The following ST7 variants were observed in gnomAD, a reference collection of about 807,000 sequenced individuals.
The protein encoded by ST7 is suppression of tumorigenicity 7.
A neutral mutation model predicts 78.7 loss-of-function variants in ST7; 28 were observed. The ratio of observed to expected loss-of-function variants is 0.36; its 90% confidence interval spans 0.26 to 0.49. ST7 has a LOEUF of 0.49. ST7 is among the 20% of genes least tolerant of loss of function. ST7 has a pLI of 0.99. For synonymous variants in ST7, 247 were observed against 249.6 expected, an observed-to-expected ratio of 0.99 and a Z score of 0.10; for missense variants, 418 against 696.0, an observed-to-expected ratio of 0.60 and a Z score of 4.49.
intron 10 of ST7, among the ~76,000 whole-genome samples, chr7:117,182,416 T>C (rs1000175120): frequency 3.3e-5 from 5 of 152,220 alleles, no homozygotes; most frequent in African/African-American, 1.2e-4. Context: ...AAATGACTAA[T>C]AAGCTGGAAT....
At chr7:117,073,108 A>G (rs1168670838) in intron 1 of ST7, 1 of 152,190 alleles carries the variant, frequency 6.6e-6, no homozygotes, top group Non-Finnish European at 1.5e-5. Context: ...AAGGAGACTG[A>G]CAGGGGGTAT....
At chr7:117,029,978 C>A (rs1796392430) in intron 1 of ST7, among the ~76,000 whole-genome samples, 1 of 151,978 alleles carries the variant, frequency 6.6e-6, no homozygotes, top group South Asian at 2.1e-4. Flanking sequence ...CAAGTCTGTT[C>A]TTTTTCAAAA....
At chr7:117,014,759 A>G (rs918731875) in intron 1 of ST7, 6 of 331,816 alleles carry the variant, frequency 1.8e-5, no homozygotes, top group African/African-American at 6.4e-5. Flanking sequence ...ACAGGAGGGA[A>G]ATGGGAGTAA....
chr7:116,961,515 G>A (rs559982987), intron 1 of ST7, among the ~76,000 whole-genome samples: 84 of 150,950 alleles, frequency 5.6e-4, no homozygotes, highest in African/African-American at 1.5e-3. Flanking sequence ...ATAGTTCTTC[G>A]TGTAGTGATC....
At chr7:117,088,710 C>G (rs895063780) in intron 1 of ST7, among the ~76,000 whole-genome samples, 2 of 152,138 alleles carry the variant, frequency 1.3e-5, no homozygotes, top group African/African-American at 4.8e-5. Context: ...TGAACAAATT[C>G]CCCTTAAGAT....
In ST7 at chr7:117,229,965, C is replaced by A; in HGVS notation, c.*108C>A. On this transcript the variant is annotated 3_prime_UTR_variant, in exon 16 of 16. Coordinates refer to ENST00000323984, the MANE Select transcript of ST7 (RefSeq NM_001369598.1). Reference sequence around the variant, plus strand: ...TGACTTTGAAAAAGGGAAGCCATTCCGAGATTTTAAAATGTTCATGGACTA... The same window carrying A: ...TGACTTTGAAAAAGGGAAGCCATTCAGAGATTTTAAAATGTTCATGGACTA... The A allele has an allele frequency of 9.8e-7, 1 of 1,022,770 alleles. No individual in the cohort carries two copies. The highest frequency in any genetic ancestry group is 1.6e-6 in the Non-Finnish European group (1 of 640,774). The allele number at this position is 1,022,770 out of a possible 1,614,324, so 63.4% of individuals were successfully genotyped here.
intron 1 of ST7, among the ~76,000 whole-genome samples, chr7:116,982,386 G>A (rs961684981): frequency 5.9e-5 from 9 of 151,880 alleles, no homozygotes; most frequent in East Asian, 1.9e-4. Flanking sequence ...CATCACGCCC[G>A]GCTAATTTTG....
At chr7:117,055,932 G>A (rs1357952997) in intron 1 of ST7, among the ~76,000 whole-genome samples, 3 of 152,158 alleles carry the variant, frequency 2.0e-5, no homozygotes, top group Non-Finnish European at 4.4e-5. Flanking sequence ...AGCAAGAACA[G>A]CCAGTCTGAG....
At chr7:117,221,479 A>G (rs999623346) in intron 14 of ST7, among the ~76,000 whole-genome samples, 5 of 152,216 alleles carry the variant, frequency 3.3e-5, no homozygotes, top group African/African-American at 1.2e-4. Flanking sequence ...TTTTTTAAAT[A>G]CAGGAAGGAA....
intron 3 of ST7, among the ~76,000 whole-genome samples, chr7:117,122,875 T>G (rs1215074253): frequency 6.6e-6 from 1 of 152,208 alleles, no homozygotes. Context: ...TTAGGTACAT[T>G]GTCTGAATTT....
chr7:117,001,341 T>C (rs551955318), intron 1 of ST7, among the ~76,000 whole-genome samples: 1,718 of 152,066 alleles, frequency 0.011, 28 homozygotes, highest in African/African-American at 0.038. Flanking sequence ...GAAAAAAACA[T>C]AGAAAAGAAA....
At chr7:117,134,607 C>T (rs1804632731) in intron 7 of ST7, among the ~76,000 whole-genome samples, 1 of 152,046 alleles carries the variant, frequency 6.6e-6, no homozygotes, top group Admixed American at 6.6e-5. Flanking sequence ...TCCTCTGATA[C>T]TGTATCTACC....
At chr7:117,221,880 G>A in intron 14 of ST7, 43 bp from the exon 15 acceptor site, 1 of 1,566,488 alleles carries the variant, frequency 6.4e-7, no homozygotes, top group Non-Finnish European at 8.6e-7. Context: ...TGAGAGTGCA[G>A]TTTACTCCAG....
intron 1 of ST7, among the ~76,000 whole-genome samples, chr7:117,070,736 G>T (rs1171649423): frequency 2.0e-5 from 3 of 151,792 alleles, no homozygotes; most frequent in Non-Finnish European, 4.4e-5. Context: ...GTAGAGACGG[G>T]GTTTCACGGT....
chr7:116,991,570 C>G (rs1406449495), intron 1 of ST7, among the ~76,000 whole-genome samples: 2 of 152,142 alleles, frequency 1.3e-5, no homozygotes, highest in Non-Finnish European at 2.9e-5. Context: ...TTCAAATTAT[C>G]TCCTACTGAC....
At chr7:117,183,136 T>G (rs926335880) in intron 10 of ST7, among the ~76,000 whole-genome samples, 7 of 152,006 alleles carry the variant, frequency 4.6e-5, no homozygotes, top group Non-Finnish European at 1.0e-4. Flanking sequence ...TTGTTTTAAT[T>G]TTTTATTGGC....
intron 1 of ST7, among the ~76,000 whole-genome samples, chr7:117,023,478 T>A (rs922631893): frequency 6.6e-6 from 1 of 152,216 alleles, no homozygotes; most frequent in African/African-American, 2.4e-5. Context: ...ACAGTCAGTC[T>A]ATTTTGGGCT....
chr7:117,099,775 G>T lies in ST7; in HGVS notation c.165G>T (p.Leu55Phe). Reference sequence around the variant, plus strand: ...TTTCTTTTTCAGTGAGCATGTTTTTGAACACATTAACACCGAAGTTCTACG... The same window carrying T: ...TTTCTTTTTCAGTGAGCATGTTTTTTAACACATTAACACCGAAGTTCTACG... ...NDNLSTVSMF[L>F]NTLTPKFYVA... The change falls in exon 2 of 16, where the codon TTG becomes TTT. Residue 55 changes from leucine to phenylalanine, a missense_variant. Around this residue, in one of 4 missense-constraint regions of ST7, gnomAD observed 23 missense variants for 67.7 expected, o/e 0.34. Coordinates refer to ENST00000323984, the MANE Select transcript of ST7 (RefSeq NM_001369598.1). 1 of 1,612,370 alleles carries T rather than the reference G, an allele frequency of 6.2e-7. No individual in the cohort carries two copies. Among genetic ancestry groups the T allele is most frequent in the South Asian group, 1.1e-5 (1 of 90,744 alleles).
chr7:117,119,168 A>G (rs748389366), intron 2 of ST7, among the ~76,000 whole-genome samples: 17 of 152,210 alleles, frequency 1.1e-4, no homozygotes, highest in Admixed American at 1.0e-3. Flanking sequence ...ATCAGAATAT[A>G]AAGTGCAAAG....
Sources: gnomAD v4.1 joint callset for allele counts (sites outside exome capture counted in the v4.1 genomes callset) on GRCh38, gnomAD v4.1.1 for gene constraint, gnomAD v4.1.1 regional missense constraint, MANE v1.5 for transcripts, NCBI Gene and HGNC (gene_info 2026-07-23, HGNC 2026-07-21) for gene names.